The following RAB5A variants were observed in gnomAD, a reference collection of about 807,000 sequenced individuals.
The protein encoded by RAB5A is RAB5A, member RAS oncogene family, also known as ras-related protein Rab-5A.
RAB5A carries 8 observed loss-of-function variants against 25.7 expected under a neutral mutation model. That is an observed-to-expected ratio of 0.31 (90% CI 0.18 to 0.56). The LOEUF is 0.56. Among genes scored for constraint, RAB5A ranks in the 20% least tolerant of loss-of-function variants. The pLI is 0.91. For synonymous variants in RAB5A, 98 were observed against 89.8 expected, an observed-to-expected ratio of 1.09 and a Z score of -0.52; for missense variants, 192 against 259.7, an observed-to-expected ratio of 0.74 and a Z score of 1.79.
rs766421613 is a variant in RAB5A at position 19,984,160 on chromosome 3, A to T, written c.*337A>T. 5.2e-6 allele frequency: 2 copies of T among 382,048 alleles called. No individual in the cohort carries two copies. The highest frequency in any genetic ancestry group is 9.6e-6 in the Non-Finnish European group (2 of 208,724). 23.7% of individuals were successfully genotyped at this position (382,048 alleles called of 1,614,324 possible). ...CCAGCCCATTTCTCCACACTGGTAC[A>T]GTAGTCACCTGTGAAAAAAAAATTG... On this transcript the variant is annotated 3_prime_UTR_variant, in exon 6 of 6. Coordinates refer to ENST00000273047, the MANE Select transcript of RAB5A (RefSeq NM_004162.5).
intron 5 of RAB5A, among the ~76,000 whole-genome samples, chr3:19,980,589 T>G (rs960086898): frequency 2.6e-5 from 4 of 152,112 alleles, no homozygotes; most frequent in African/African-American, 9.7e-5. Flanking sequence ...CCTCTTAATC[T>G]CACTCACCTC....
At chr3:19,968,951 G>A (rs1469324794) in intron 2 of RAB5A, among the ~76,000 whole-genome samples, 2 of 151,436 alleles carry the variant, frequency 1.3e-5, no homozygotes, top group African/African-American at 4.8e-5. Flanking sequence ...GCTACATGTT[G>A]CCAAAATCCT....
intron 2 of RAB5A, among the ~76,000 whole-genome samples, chr3:19,969,435 C>G (rs1407111956): frequency 6.6e-6 from 1 of 152,138 alleles, no homozygotes; most frequent in Non-Finnish European, 1.5e-5. Flanking sequence ...CTTTTCTGTT[C>G]TTTTGTGAAT....
chr3:19,973,669 A>G (rs1357359125), intron 2 of RAB5A, among the ~76,000 whole-genome samples: 1 of 152,188 alleles, frequency 6.6e-6, no homozygotes, highest in Non-Finnish European at 1.5e-5. Flanking sequence ...ATTAGAATAT[A>G]TTTACAATGT....
At chr3:19,952,381 A>G (rs1292262826) in intron 2 of RAB5A, among the ~76,000 whole-genome samples, 2 of 152,222 alleles carry the variant, frequency 1.3e-5, no homozygotes, top group Non-Finnish European at 1.5e-5. Flanking sequence ...ATTCATGTAT[A>G]TATTTTAACC....
chr3:19,960,655 T>C (rs77093173), intron 2 of RAB5A, among the ~76,000 whole-genome samples: 23,245 of 152,214 alleles, frequency 0.15, 1,995 homozygotes, highest in Non-Finnish European at 0.2. Context: ...AAACTTTAGT[T>C]ACCTAGTTGC....
chr3:19,984,655 A>G lies in RAB5A; in HGVS notation c.*832A>G, dbSNP rs1696998353. On this transcript the variant is annotated 3_prime_UTR_variant, in exon 6 of 6. Transcript: ENST00000273047. ...CCTTTTGACATAATATAGTCAATGC[A>G]CTAACAATTATGTATATTCAAACTT... 2 of 158,106 alleles carry G rather than the reference A, an allele frequency of 1.3e-5. No homozygotes were observed. The highest frequency in any genetic ancestry group is 4.8e-5 in the African/African-American group (2 of 41,468). 9.8% of individuals were successfully genotyped at this position (158,106 alleles called of 1,614,324 possible).
intron 2 of RAB5A, among the ~76,000 whole-genome samples, chr3:19,955,277 T>C (rs952675995): frequency 6.6e-6 from 1 of 152,176 alleles, no homozygotes; most frequent in Non-Finnish European, 1.5e-5. Context: ...CTCTAAAGTT[T>C]AGATGATGGA....
At chr3:19,961,491 T>C (rs796934969) in intron 2 of RAB5A, among the ~76,000 whole-genome samples, 2 of 152,350 alleles carry the variant, frequency 1.3e-5, no homozygotes, top group African/African-American at 4.8e-5. Flanking sequence ...TCTTGCTATG[T>C]ATCACTTAAG....
At chr3:19,966,429 G>A (rs1696663357) in intron 2 of RAB5A, among the ~76,000 whole-genome samples, 1 of 152,062 alleles carries the variant, frequency 6.6e-6, no homozygotes, top group South Asian at 2.1e-4. Context: ...ACTTCATCTT[G>A]CTTGTCCATC....
rs1437068127 is a variant in RAB5A, at chr3:19,947,496, C to G, written c.-119C>G. The G allele has an allele frequency of 6.5e-6, 1 of 152,870 alleles. No homozygotes were observed. The highest frequency in any genetic ancestry group is 2.4e-5 in the African/African-American group (1 of 41,442). The allele number at this position is 152,870 out of a possible 1,614,324, so 9.5% of individuals were successfully genotyped here. A position where few individuals can be genotyped will look rare whatever the true frequency, so the allele number is the denominator to read the frequency against. ...CCTTGCTGCCAGGAAGCTTCGGCCC[C>G]GCAGCTCGGCTTGCTGCGGTCTCAG... On this transcript the variant is annotated 5_prime_UTR_variant, in exon 1 of 6. Coordinates refer to ENST00000273047, the MANE Select transcript of RAB5A (RefSeq NM_004162.5).
At chr3:19,981,394 A>C (rs1361755704) in intron 5 of RAB5A, among the ~76,000 whole-genome samples, 1 of 152,098 alleles carries the variant, frequency 6.6e-6, no homozygotes, top group African/African-American at 2.4e-5. Flanking sequence ...CTATCACCTG[A>C]GGTCAGGAGT....
At chr3:19,954,682 G>T (rs2125179615) in intron 2 of RAB5A, among the ~76,000 whole-genome samples, 1 of 152,212 alleles carries the variant, frequency 6.6e-6, no homozygotes, top group Middle Eastern at 3.4e-3. Context: ...ACCGGGCATG[G>T]TGGCACACAC....
At chr3:19,970,775 A>T (rs1208150863) in intron 2 of RAB5A, 4 of 295,276 alleles carry the variant, frequency 1.4e-5, no homozygotes. Context: ...TTATCTTTTC[A>T]GTGGCAGAAT....
intron 2 of RAB5A, among the ~76,000 whole-genome samples, chr3:19,956,749 A>G (rs1470804944): frequency 6.6e-6 from 1 of 152,242 alleles, no homozygotes; most frequent in Non-Finnish European, 1.5e-5. Context: ...TGCCTGGCAC[A>G]GTAAAAGGTT....
At chr3:19,965,239 A>G (rs1217944223) in intron 2 of RAB5A, among the ~76,000 whole-genome samples, 1 of 151,998 alleles carries the variant, frequency 6.6e-6, no homozygotes, top group African/African-American at 2.4e-5. Context: ...TAATTTTCAA[A>G]CAATGTGCAT....
chr3:19,969,969 A>G (rs1559490404), intron 2 of RAB5A, among the ~76,000 whole-genome samples: 1 of 150,700 alleles, frequency 6.6e-6, no homozygotes, highest in Non-Finnish European at 1.5e-5. Context: ...ATGCCCGGCT[A>G]ATTTGTATTT....
intron 4 of RAB5A, among the ~76,000 whole-genome samples, chr3:19,977,255 C>T (rs1696840241): frequency 6.6e-6 from 1 of 151,958 alleles, no homozygotes; most frequent in Non-Finnish European, 1.5e-5. Context: ...TGTGTGTTTT[C>T]AGTAGAGACA....
intron 4 of RAB5A, among the ~76,000 whole-genome samples, chr3:19,977,715 A>G (rs1055413233): frequency 8.5e-5 from 13 of 152,296 alleles, no homozygotes; most frequent in African/African-American, 1.2e-4. Context: ...TCTTTGTCCA[A>G]TGGGAAAGAT....
Sources: allele counts gnomAD v4.1 joint callset (sites outside exome capture counted in the v4.1 genomes callset), GRCh38; gene constraint gnomAD v4.1.1; transcripts MANE v1.5; gene names NCBI Gene and HGNC (gene_info 2026-07-23, HGNC 2026-07-21).